CAMTA1: variants seen among roughly 807,000 people sequenced by gnomAD.
CAMTA1 encodes calmodulin binding transcription activator 1.
CAMTA1 carries 27 observed loss-of-function variants against 170.9 expected under a neutral mutation model. The ratio of observed to expected loss-of-function variants is 0.16; its 90% CI spans 0.12 to 0.22. The LOEUF (loss-of-function observed/expected upper bound fraction) is 0.22, where lower values mean the gene tolerates loss of function less well. Among genes scored for constraint, CAMTA1 ranks in the 10% least tolerant of loss-of-function variants. CAMTA1 has a pLI of 1.00. For missense variants in CAMTA1, 1,619 were observed against 2,217.2 expected (o/e 0.73, Z 5.42); for synonymous variants, 833 against 891.5 (o/e 0.93, Z 1.17).
intron 15 of CAMTA1, 72 bp from the exon 16 acceptor site, chr1:7,737,887 A>AG: frequency 6.8e-7 from 1 of 1,465,688 alleles, no homozygotes; most frequent in Non-Finnish European, 9.2e-7. Context: ...TCAGGCATAG[A>AG]GAAAGTGTTG....
intron 3 of CAMTA1, among the ~76,000 whole-genome samples, chr1:7,088,498 G>A (rs1473237357): frequency 6.6e-6 from 1 of 152,156 alleles, no homozygotes; most frequent in Non-Finnish European, 1.5e-5. Flanking sequence ...TCCCTTTCTG[G>A]TATACAGTAG....
chr1:7,226,794 G>A (rs1410007343), intron 4 of CAMTA1, among the ~76,000 whole-genome samples: 2 of 151,826 alleles, frequency 1.3e-5, no homozygotes, highest in Admixed American at 1.3e-4. Context: ...TCAATATCCT[G>A]TGATTCATTT....
chr1:6,966,297 G>T (rs144941062), intron 3 of CAMTA1, among the ~76,000 whole-genome samples: 2 of 151,912 alleles, frequency 1.3e-5, no homozygotes, highest in Non-Finnish European at 2.9e-5. Flanking sequence ...TAGGACATTT[G>T]TGTTACCCCA....
intron 6 of CAMTA1, among the ~76,000 whole-genome samples, chr1:7,493,960 ACCCGCC>A (rs2093783530): frequency 6.6e-6 from 1 of 151,634 alleles, no homozygotes; most frequent in East Asian, 1.9e-4. Context: ...TCAGCAGGCC[ACCCGCC>A]GGCCTCTCCT....
intron 5 of CAMTA1, among the ~76,000 whole-genome samples, chr1:7,421,473 A>G (rs1329829806): frequency 6.6e-6 from 1 of 151,992 alleles, no homozygotes; most frequent in Non-Finnish European, 1.5e-5. Flanking sequence ...AATATTTTTA[A>G]CCAGATAACA....
At chr1:7,102,488 C>T (rs549143259) in intron 4 of CAMTA1, among the ~76,000 whole-genome samples, 3 of 152,262 alleles carry the variant, frequency 2.0e-5, no homozygotes, top group African/African-American at 7.2e-5. Flanking sequence ...TGTAGAATGG[C>T]AGCTGGTGCC....
chr1:6,842,720 G>A (rs1022358394), intron 3 of CAMTA1, among the ~76,000 whole-genome samples: 5 of 152,274 alleles, frequency 3.3e-5, no homozygotes, highest in Non-Finnish European at 7.4e-5. Context: ...TCAGGAGTTC[G>A]AGACCAGCCT....
intron 3 of CAMTA1, among the ~76,000 whole-genome samples, chr1:6,931,943 C>T (rs1684487175): frequency 6.6e-6 from 1 of 152,192 alleles, no homozygotes; most frequent in African/African-American, 2.4e-5. Flanking sequence ...ATTTTTCTTT[C>T]CTGGGCTTAT....
Position 7,744,891 on chromosome 1 carries a change from G to A in CAMTA1, c.4239G>A (p.Lys1413=), listed in dbSNP as rs139407159. 4.2e-5 allele frequency: 68 copies of A among 1,614,102 alleles called. No homozygotes were observed. The African/African-American group carries it at 8.4e-4, about 20-fold the overall frequency. Residue 1413 remains lysine (K), a synonymous_variant, in exon 17 of 23, where the codon AAG becomes AAA. Coordinates refer to ENST00000303635, the MANE Select transcript of CAMTA1 (RefSeq NM_015215.4). ...HIIEATPDRI[K]QENFVPMESS... ...TTGAAGCCACACCTGACCGAATCAA[G>A]CAGGAGAATTTTGTGCCCATGGAGT...
intron 5 of CAMTA1, among the ~76,000 whole-genome samples, chr1:7,400,073 T>C (rs2089773626): frequency 6.6e-6 from 1 of 152,246 alleles, no homozygotes; most frequent in Non-Finnish European, 1.5e-5. Context: ...TCTGTGCCTT[T>C]TACCAACTGT....
chr1:7,389,084 C>T (rs114252003), intron 5 of CAMTA1, among the ~76,000 whole-genome samples: 10,036 of 152,308 alleles, frequency 0.066, 564 homozygotes, highest in Non-Finnish European at 0.09. Context: ...CTGTGCCTGT[C>T]CCCGGCTGCC....
At chr1:7,019,045 G>A (rs1195113543) in intron 3 of CAMTA1, among the ~76,000 whole-genome samples, 2 of 152,206 alleles carry the variant, frequency 1.3e-5, no homozygotes, top group African/African-American at 2.4e-5. Flanking sequence ...TGGTGGGCGG[G>A]GTGGATGCCC....
intron 6 of CAMTA1, among the ~76,000 whole-genome samples, chr1:7,490,039 G>GGT (rs2093679188): frequency 6.6e-6 from 1 of 152,198 alleles, no homozygotes; most frequent in Non-Finnish European, 1.5e-5. Flanking sequence ...ACGTCCTGAA[G>GGT]GTGAAGCCCT....
At chr1:7,640,340 G>GC in intron 6 of CAMTA1, 60 bp from the exon 7 acceptor site, 1 of 1,597,432 alleles carries the variant, frequency 6.3e-7, no homozygotes. Context: ...GTTGGGGGCG[G>GC]CCCTGACCCT....
intron 4 of CAMTA1, among the ~76,000 whole-genome samples, chr1:7,200,315 C>T (rs188574656): frequency 4.2e-4 from 64 of 152,296 alleles, no homozygotes; most frequent in African/African-American, 1.3e-3. Context: ...TACATAACCA[C>T]GTCTTATACA....
At chr1:7,460,174 G>A (rs975228794) in intron 5 of CAMTA1, among the ~76,000 whole-genome samples, 3 of 152,268 alleles carry the variant, frequency 2.0e-5, no homozygotes, top group Non-Finnish European at 4.4e-5. Flanking sequence ...TGAGAGAGCT[G>A]GGGAGGGGCC....
chr1:7,558,356 G>A (rs1037251096), intron 6 of CAMTA1, among the ~76,000 whole-genome samples: 8 of 152,200 alleles, frequency 5.3e-5, no homozygotes, highest in African/African-American at 1.4e-4. Flanking sequence ...GGTTGAAGGC[G>A]GGGAGCATGG....
chr1:7,527,084 AT>A (rs2094440393), intron 6 of CAMTA1, among the ~76,000 whole-genome samples: 1 of 152,026 alleles, frequency 6.6e-6, no homozygotes. Context: ...CCCTGTGAGG[AT>A]TGGGGTACCC....
Position 7,425,140 on chromosome 1 carries a change from C to T in CAMTA1, c.439-42690C>T, listed in dbSNP as rs542605525. Among the ~76,000 whole-genome samples the T allele has an allele frequency of 6.5e-4, 99 of 152,292 alleles. 1 individual carries two copies. The highest frequency in any genetic ancestry group is 2.3e-3 in the African/African-American group (94 of 41,554). On this transcript the variant is annotated intron_variant, in intron 5 of 22. Coordinates refer to ENST00000303635, the MANE Select transcript of CAMTA1 (RefSeq NM_015215.4). ...AAAGTGTACACCGGCTCACTATTCT[C>T]ACGTTTGTAAGGTCTCAAAGAGCCC...
Sources: gnomAD v4.1 joint callset for allele counts (sites outside exome capture counted in the v4.1 genomes callset) on GRCh38, gnomAD v4.1.1 for gene constraint, MANE v1.5 for transcripts, NCBI Gene and HGNC (gene_info 2026-07-23, HGNC 2026-07-21) for gene names.